Variants in CMSS1 observed in about 807,000 individuals in gnomAD.
CMSS1 encodes the protein protein CMSS1.
CMSS1 carries 33 observed loss-of-function variants against 43.5 expected under a neutral mutation model. That is an observed-to-expected ratio of 0.76 (90% CI 0.57 to 1.01). CMSS1 has a LOEUF of 1.01. Among genes scored for constraint, CMSS1 ranks in the 50% least tolerant of loss-of-function variants. The pLI, the probability that CMSS1 is intolerant of heterozygous loss-of-function variation, is 0.00. For missense variants in CMSS1, 313 were observed against 326.4 expected (o/e 0.96, Z 0.32); for synonymous variants, 115 against 117.2 (o/e 0.98, Z 0.12).
At position 100,166,373 on chromosome 3, in the gene CMSS1, CT is replaced by C; in HGVS notation, c.397del (p.Ser133ProfsTer4). On this transcript the variant is annotated frameshift_variant, in exon 5 of 10. Coordinates refer to ENST00000421999, the MANE Select transcript of CMSS1 (RefSeq NM_032359.4). LOFTEE classifies it high-confidence loss of function. The stretch of plus-strand genomic sequence containing the variant: ...CAAGGCCAATGATTTGACTCACAGT[CT>C]TTCCTCATACCTAAAAGAAAGTAAG... Reference protein sequence around the residue: ...FLKANDLTHSLSSYLKEICPK... With the variant: ...FLKANDLTHSXSSYLKEICPK... 1 of 1,591,798 alleles carries C rather than the reference CT, an allele frequency of 6.3e-7. No homozygotes were observed.
At chr3:99,847,224 CAA>C (rs749004894) in intron 1 of CMSS1, among the ~76,000 whole-genome samples, 2 of 142,536 alleles carry the variant, frequency 1.4e-5, no homozygotes, top group Admixed American at 7.0e-5. Context: ...GAGGTTAAAA[CAA>C]AAAAAAAAAC....
chr3:100,057,352 G>A (rs1371859490), intron 1 of CMSS1, among the ~76,000 whole-genome samples: 6 of 152,144 alleles, frequency 3.9e-5, no homozygotes, highest in African/African-American at 1.4e-4. Flanking sequence ...CCCGGCCTTA[G>A]GCATGTCAGT....
At position 99,907,787 on chromosome 3, in the gene CMSS1, G is replaced by A. The variant is rs138623752; in HGVS notation, c.64+89744G>A. 6.8e-3 allele frequency among the ~76,000 whole-genome samples: 1,029 copies of A among 152,040 alleles called. 3 individuals carry two copies. The highest frequency in any genetic ancestry group is 8.5e-3 in the African/African-American group (354 of 41,466). ...CTATGTCTGTCTTTTAATGTGCAAC[G>A]CTAATGCTATCTGGATCCATTAGGA... On this transcript the variant is annotated intron_variant, in intron 1 of 9. Transcript: ENST00000421999.
intron 1 of CMSS1, chr3:99,924,174 C>A: frequency 7.0e-7 from 1 of 1,421,216 alleles, no homozygotes; most frequent in Non-Finnish European, 9.8e-7. Context: ...AGACCTGGTA[C>A]AGTGGCCAGC....
At chr3:100,080,786 C>T (rs1159121756) in intron 1 of CMSS1, among the ~76,000 whole-genome samples, 1 of 152,176 alleles carries the variant, frequency 6.6e-6, no homozygotes, top group Non-Finnish European at 1.5e-5. Context: ...TGGAATGTTT[C>T]ACCAGTCAGT....
intron 1 of CMSS1, among the ~76,000 whole-genome samples, chr3:100,095,435 A>G (rs2066188040): frequency 6.6e-6 from 1 of 152,220 alleles, no homozygotes; most frequent in Admixed American, 6.5e-5. Context: ...TATTTAAAAA[A>G]CAATTAAAAA....
intron 1 of CMSS1, among the ~76,000 whole-genome samples, chr3:99,828,680 T>C (rs562000213): frequency 2.1e-3 from 314 of 150,964 alleles, no homozygotes; most frequent in African/African-American, 6.9e-3. Flanking sequence ...GGTCTTGAGC[T>C]CCTGGCCTCA....
chr3:99,884,821 A>G (rs1415607815), intron 1 of CMSS1, among the ~76,000 whole-genome samples: 1 of 152,236 alleles, frequency 6.6e-6, no homozygotes, highest in East Asian at 1.9e-4. Context: ...TGCTGTTTAC[A>G]GGTATAGATT....
chr3:99,856,950 A>T (rs1943996539), intron 1 of CMSS1, among the ~76,000 whole-genome samples: 1 of 152,050 alleles, frequency 6.6e-6, no homozygotes. Context: ...ACCGCTTTTG[A>T]TTTTATCTTA....
intron 1 of CMSS1, among the ~76,000 whole-genome samples, chr3:100,015,183 G>A (rs560743032): frequency 7.9e-5 from 12 of 151,756 alleles, no homozygotes; most frequent in East Asian, 3.9e-4. Context: ...TGGTACCTTC[G>A]TTGTAGATCA....
At chr3:99,868,190 TA>T (rs1227227010) in intron 1 of CMSS1, among the ~76,000 whole-genome samples, 2 of 152,178 alleles carry the variant, frequency 1.3e-5, no homozygotes, top group African/African-American at 4.8e-5. Flanking sequence ...TTCAGATGAG[TA>T]AGACATTTTT....
intron 1 of CMSS1, among the ~76,000 whole-genome samples, chr3:99,861,353 T>C (rs1231372518): frequency 6.6e-6 from 1 of 152,180 alleles, no homozygotes. Context: ...GGGAGAAGTA[T>C]CCAAAAAGCC....
intron 1 of CMSS1, among the ~76,000 whole-genome samples, chr3:100,087,370 A>C (rs935310177): frequency 3.9e-5 from 6 of 152,190 alleles, no homozygotes; most frequent in South Asian, 4.1e-4. Flanking sequence ...TGGTATTGTC[A>C]GTGGGTTAGT....
At chr3:100,156,369 C>T (rs191170403) in intron 2 of CMSS1, among the ~76,000 whole-genome samples, 15 of 128,962 alleles carry the variant, frequency 1.2e-4, no homozygotes, top group South Asian at 2.5e-4. Context: ...AGTTCAGTGA[C>T]GCAATCTTGG....
At chr3:100,087,138 A>G (rs962029331) in intron 1 of CMSS1, among the ~76,000 whole-genome samples, 1 of 152,176 alleles carries the variant, frequency 6.6e-6, no homozygotes, top group Non-Finnish European at 1.5e-5. Context: ...GTTTGGGGCA[A>G]TTATGAATAA....
chr3:99,901,432 T>G (rs1306151979), intron 1 of CMSS1, among the ~76,000 whole-genome samples: 1 of 152,208 alleles, frequency 6.6e-6, no homozygotes, highest in African/African-American at 2.4e-5. Context: ...TGCACTTTTG[T>G]AATTTTCCTG....
intron 1 of CMSS1, among the ~76,000 whole-genome samples, chr3:99,989,373 C>G (rs1036638559): frequency 6.6e-6 from 1 of 152,070 alleles, no homozygotes; most frequent in Non-Finnish European, 1.5e-5. Flanking sequence ...AGGAAAATCC[C>G]CCAGACAAGA....
Position 100,179,516 on chromosome 3 carries a change from A to T in CMSS1, c.*1128A>T, listed in dbSNP as rs1311066294. ...AAGGCCTCATGCCAGTTTGAAACCCAGCAGGGCACTCTTTGAATCTTAAAG... is the reference window on the plus strand; with the variant it reads ...AAGGCCTCATGCCAGTTTGAAACCCTGCAGGGCACTCTTTGAATCTTAAAG... On this transcript the variant is annotated 3_prime_UTR_variant, in exon 10 of 10. Transcript: ENST00000421999. 6.6e-6 allele frequency: 1 copy of T among 152,292 alleles called. No homozygotes were observed. The allele number at this position is 152,292 out of a possible 1,614,324, so 9.4% of individuals were successfully genotyped here.
intron 1 of CMSS1, among the ~76,000 whole-genome samples, chr3:99,940,682 C>T (rs1443036709): frequency 5.3e-5 from 8 of 152,202 alleles, no homozygotes; most frequent in Non-Finnish European, 1.5e-5. Flanking sequence ...ATGCACCTTT[C>T]AGAGAACCCG....
Sources: gnomAD v4.1 joint callset for allele counts (sites outside exome capture counted in the v4.1 genomes callset) on GRCh38, gnomAD v4.1.1 for gene constraint, MANE v1.5 for transcripts, NCBI Gene and HGNC (gene_info 2026-07-23, HGNC 2026-07-21) for gene names.